Variants in TOX2 observed in about 807,000 individuals in gnomAD.
The protein encoded by TOX2 is TOX high mobility group box family member 2.
A neutral mutation model predicts 47.4 loss-of-function variants in TOX2; 15 were observed. The ratio of observed to expected loss-of-function variants is 0.32; its 90% confidence interval spans 0.21 to 0.49. TOX2 has a LOEUF of 0.49. Ranked by LOEUF, TOX2 falls within the 20% of genes least tolerant of loss-of-function variation. TOX2 has a pLI of 0.99. For synonymous variants in TOX2, 290 were observed against 296.6 expected (o/e 0.98, Z 0.23); for missense variants, 622 against 673.1 (o/e 0.92, Z 0.84).
intron 3 of TOX2, among the ~76,000 whole-genome samples, chr20:44,017,444 C>T (rs1321748761): frequency 2.0e-5 from 3 of 152,186 alleles, no homozygotes; most frequent in Non-Finnish European, 4.4e-5. Flanking sequence ...CACCTCTGTG[C>T]CAGGCGAGAG....
chr20:44,021,635 C>G (rs934661088), intron 3 of TOX2, among the ~76,000 whole-genome samples: 1 of 151,806 alleles, frequency 6.6e-6, no homozygotes, highest in African/African-American at 2.4e-5. Flanking sequence ...TCCACTAGGT[C>G]GACTTTTTTT....
At position 43,915,266 on chromosome 20, in the gene TOX2, C is replaced by A. The variant is rs1348492368; in HGVS notation, c.99+276C>A. Among the ~76,000 whole-genome samples the A allele has an allele frequency of 6.6e-6, 1 of 152,134 alleles. No homozygotes were observed. Among genetic ancestry groups the A allele is most frequent in the East Asian group, 1.9e-4 (1 of 5,160 alleles). On this transcript the variant is annotated intron_variant, in intron 1 of 8. Transcript: ENST00000341197. This position sits in a 1 kb window ranked among gnomAD's most constrained non-coding sequence, Gnocchi z 7.1. ...AGTCATTCACAAGCCGTCACAGTGA[C>A]CCACAGCCACACGCAGGCGGCCAGG...
intron 1 of TOX2, among the ~76,000 whole-genome samples, chr20:43,934,513 C>T (rs1427683242): frequency 6.6e-6 from 1 of 152,128 alleles, no homozygotes; most frequent in Admixed American, 6.5e-5. Context: ...GGGACCATAC[C>T]ACATAGGGAG....
At chr20:43,944,689 G>A (rs951162905) in intron 1 of TOX2, among the ~76,000 whole-genome samples, 6 of 152,174 alleles carry the variant, frequency 3.9e-5, no homozygotes, top group Non-Finnish European at 7.3e-5. Flanking sequence ...TCCCCAGAGC[G>A]CTTCCTGCTT....
At chr20:44,048,986 C>T (rs1169597712) in intron 3 of TOX2, among the ~76,000 whole-genome samples, 2 of 152,166 alleles carry the variant, frequency 1.3e-5, no homozygotes, top group Admixed American at 6.5e-5. Context: ...ACTAAAAATA[C>T]AAAAATTAGC....
chr20:43,951,420 C>A (rs1214362829), intron 1 of TOX2, among the ~76,000 whole-genome samples: 1 of 151,706 alleles, frequency 6.6e-6, no homozygotes, highest in Non-Finnish European at 1.5e-5. Context: ...ACTAAAAATA[C>A]AAAAAAATTA....
At chr20:43,991,092 G>A (rs984940197) in intron 2 of TOX2, among the ~76,000 whole-genome samples, 2 of 152,144 alleles carry the variant, frequency 1.3e-5, no homozygotes, top group Non-Finnish European at 2.9e-5. Flanking sequence ...TGATCCAATT[G>A]CCTCTTTTTA....
intron 1 of TOX2, among the ~76,000 whole-genome samples, chr20:43,922,015 C>G (rs2069117635): frequency 6.6e-6 from 1 of 152,162 alleles, no homozygotes; most frequent in African/African-American, 2.4e-5. Flanking sequence ...GTTTTGGAGG[C>G]AGAGAAATTG....
chr20:43,986,974 C>T (rs371422256), intron 2 of TOX2, among the ~76,000 whole-genome samples: 34 of 152,104 alleles, frequency 2.2e-4, no homozygotes, highest in South Asian at 1.0e-3. Flanking sequence ...TAAGGTGGGA[C>T]GATCACTTGA....
At chr20:43,996,840 C>T (rs994762895) in intron 2 of TOX2, among the ~76,000 whole-genome samples, 11 of 152,126 alleles carry the variant, frequency 7.2e-5, no homozygotes, top group Admixed American at 6.5e-4. Flanking sequence ...ACTCCAAAGC[C>T]AGAGCTCTTT....
Position 43,916,972 on chromosome 20 carries a change from G to A in TOX2, c.99+1982G>A, listed in dbSNP as rs1427537412. ...CGCCGGGAAGGGCCCGTCAGGGAGG[G>A]AATGAGAAGCCGGCGATTCTGGTTT... On this transcript the variant is annotated intron_variant, in intron 1 of 8. Transcript: ENST00000341197. This position sits in a 1 kb window ranked among gnomAD's most constrained non-coding sequence, Gnocchi z 5.0. 1.3e-5 allele frequency among the ~76,000 whole-genome samples: 2 copies of A among 151,994 alleles called. No individual in the cohort carries two copies. The highest frequency in any genetic ancestry group is 4.8e-5 in the African/African-American group (2 of 41,424).
At chr20:44,067,713 A>C (rs562275728) in intron 8 of TOX2, among the ~76,000 whole-genome samples, 82 of 151,912 alleles carry the variant, frequency 5.4e-4, no homozygotes, top group Non-Finnish European at 1.1e-3. Flanking sequence ...CGCCACCCCA[A>C]CTCTGGGGAA....
At chr20:43,979,292 G>T (rs150547580) in intron 2 of TOX2, among the ~76,000 whole-genome samples, 1 of 152,146 alleles carries the variant, frequency 6.6e-6, no homozygotes, top group African/African-American at 2.4e-5. Flanking sequence ...AGGGAAGAAC[G>T]AGAAGAGCAG....
intron 2 of TOX2, among the ~76,000 whole-genome samples, chr20:43,992,701 G>C (rs1254262102): frequency 6.6e-6 from 1 of 152,132 alleles, no homozygotes; most frequent in Non-Finnish European, 1.5e-5. Flanking sequence ...TAAAGCCCTT[G>C]ATATGGCAAA....
intron 1 of TOX2, among the ~76,000 whole-genome samples, chr20:43,951,345 C>T (rs1231883134): frequency 9.9e-5 from 15 of 152,098 alleles, no homozygotes; most frequent in Admixed American, 6.5e-4. Context: ...GAGGCTGAGG[C>T]GGGTGGATCA....
intron 1 of TOX2, among the ~76,000 whole-genome samples, chr20:43,944,805 C>A (rs911628812): frequency 6.6e-6 from 1 of 152,178 alleles, no homozygotes; most frequent in Non-Finnish European, 1.5e-5. Context: ...TAGTACATGA[C>A]ACTTAATAGG....
chr20:44,044,697 C>T (rs1281282643), intron 3 of TOX2, among the ~76,000 whole-genome samples: 4 of 152,056 alleles, frequency 2.6e-5, no homozygotes, highest in African/African-American at 4.8e-5. Flanking sequence ...AGTGATATAG[C>T]CACTGTGGAA....
At chr20:44,037,521 C>G (rs2071260162) in intron 3 of TOX2, among the ~76,000 whole-genome samples, 2 of 152,166 alleles carry the variant, frequency 1.3e-5, no homozygotes, top group Admixed American at 6.5e-5. Flanking sequence ...TTCCCACTTT[C>G]TGGCTGTGTG....
At chr20:44,045,429 G>A (rs1002490640) in intron 3 of TOX2, among the ~76,000 whole-genome samples, 27 of 152,210 alleles carry the variant, frequency 1.8e-4, no homozygotes, top group African/African-American at 6.5e-4. Flanking sequence ...ATGCCCCGCA[G>A]TTCATTGAAT....
Sources: gnomAD v4.1 joint callset for allele counts (sites outside exome capture counted in the v4.1 genomes callset) on GRCh38, gnomAD v4.1.1 for gene constraint, Gnocchi (gnomAD v3.1) non-coding constraint, MANE v1.5 for transcripts, NCBI Gene and HGNC (gene_info 2026-07-23, HGNC 2026-07-21) for gene names.